Variants in MLN observed in about 807,000 individuals in gnomAD.
MLN encodes the protein promotilin.
A neutral mutation model predicts 13.3 loss-of-function variants in MLN; 14 were observed. The observed-to-expected ratio is 1.05, with a 90% CI of 0.69 to 1.64. MLN has a LOEUF of 1.64. Among genes scored for constraint, MLN ranks in the 40% most tolerant of loss-of-function variants. MLN has a pLI of 0.00. For missense variants in MLN, 122 were observed against 142.9 expected, an observed-to-expected ratio of 0.85 and a Z score of 0.75; for synonymous variants, 59 against 54.7, an observed-to-expected ratio of 1.08 and a Z score of -0.34.
Position 33,799,229 on chromosome 6 carries a change from C to T in MLN, c.118-8G>A, listed in dbSNP as rs1335678594. 2 of 1,603,336 alleles carry T rather than the reference C, an allele frequency of 1.2e-6. No individual in the cohort carries two copies. The highest frequency in any genetic ancestry group is 1.7e-6 in the Non-Finnish European group (2 of 1,171,404). Reference sequence around the variant, plus strand: ...TTTATTCCGTTCCTTTTCCTAGGGGCAGAACAGAAAATTGCACAAAACCGC... The same window carrying T: ...TTTATTCCGTTCCTTTTCCTAGGGGTAGAACAGAAAATTGCACAAAACCGC... On this transcript the variant is annotated splice_polypyrimidine_tract_variant and splice_region_variant and intron_variant, in intron 2 of 4. Transcript: ENST00000430124. The surrounding 1 kb of genome is among the most constrained non-coding windows in gnomAD (Gnocchi z 4.6).
At chr6:33,801,232 C>A in intron 1 of MLN, 62 bp from the exon 2 acceptor site, 1 of 1,257,804 alleles carries the variant, frequency 8.0e-7, no homozygotes, top group South Asian at 1.2e-5. Context: ...CTGCTGTGTC[C>A]GAGGCAGGGG....
rs1024626640 is a variant in MLN at position 33,803,492 on chromosome 6, G to A, written c.-8+461C>T. Among the ~76,000 whole-genome samples the A allele has an allele frequency of 6.6e-6, 1 of 151,976 alleles. No homozygotes were observed. The highest frequency in any genetic ancestry group is 2.4e-5 in the African/African-American group (1 of 41,374). On this transcript the variant is annotated intron_variant, in intron 1 of 4. Coordinates refer to ENST00000430124, the MANE Select transcript of MLN (RefSeq NM_002418.3). This position sits in a 1 kb window ranked among gnomAD's most constrained non-coding sequence, Gnocchi z 4.5. ...ATGGCTAATTTTTGTATTTTTAGTA[G>A]AGACAGGGTGTCACCATATTGGCCT...
intron 1 of MLN, 133 bp from the exon 2 acceptor site, chr6:33,801,303 G>A (rs933622623): frequency 2.1e-5 from 14 of 672,604 alleles, no homozygotes; most frequent in Non-Finnish European, 3.4e-5. Flanking sequence ...AGCTCAGCCT[G>A]TCTGGATTTG....
chr6:33,798,981 G>A lies in MLN; in HGVS notation c.234+124C>T, dbSNP rs1767986074. On this transcript the variant is annotated intron_variant, in intron 3 of 4. Transcript: ENST00000430124. ...ATGGAGCTCATTGCCTGGATGTCTT[G>A]CTCACTGCGATATCCTAGGACACTC... 9.9e-6 allele frequency: 6 copies of A among 605,092 alleles called. No individual in the cohort carries two copies. In the South Asian group the frequency reaches 1.3e-4, roughly 13 times the overall value. 37.5% of individuals were successfully genotyped at this position (605,092 alleles called of 1,614,324 possible).
chr6:33,795,954 CTAAGCTTT>C (rs1457822665), intron 3 of MLN, among the ~76,000 whole-genome samples: 2 of 144,792 alleles, frequency 1.4e-5, no homozygotes, highest in African/African-American at 5.1e-5. Context: ...TACCCTTATT[CTAAGCTTT>C]TTTTTTTTTT....
rs1465590461 is a variant in MLN at position 33,797,759 on chromosome 6, C to T, written c.234+1346G>A. On this transcript the variant is annotated intron_variant, in intron 3 of 4. Transcript: ENST00000430124. ...ACTATAGCAGCCTCCTCAGTGGCCTCCCTAAATCTGCCTTTGTCCGGTCCC... is the reference window on the plus strand; with the variant it reads ...ACTATAGCAGCCTCCTCAGTGGCCTTCCTAAATCTGCCTTTGTCCGGTCCC... Among the ~76,000 whole-genome samples the T allele has an allele frequency of 1.3e-5, 2 of 152,164 alleles. 1 individual carries two copies. Among genetic ancestry groups the T allele is most frequent in the Admixed American group, 1.3e-4 (2 of 15,284 alleles).
chr6:33,801,504 G>A (rs1768046030), intron 1 of MLN, among the ~76,000 whole-genome samples: 1 of 152,202 alleles, frequency 6.6e-6, no homozygotes, highest in South Asian at 2.1e-4. Context: ...CATAAGGCAG[G>A]AGGGACCTCA....
At chr6:33,795,418 C>T (rs1767890018) in intron 4 of MLN, 85 bp downstream of exon 4, 1 of 1,113,834 alleles carries the variant, frequency 9.0e-7, no homozygotes. Context: ...AAACAAATTG[C>T]CACCCTGAAA....
chr6:33,803,026 A>G lies in MLN; in HGVS notation c.-8+927T>C, dbSNP rs2127389361. Among the ~76,000 whole-genome samples the G allele has an allele frequency of 6.6e-6, 1 of 152,214 alleles. No homozygotes were observed. The highest frequency in any genetic ancestry group is 6.5e-5 in the Admixed American group (1 of 15,300). On this transcript the variant is annotated intron_variant, in intron 1 of 4. Coordinates refer to ENST00000430124, the MANE Select transcript of MLN (RefSeq NM_002418.3). This position sits in a 1 kb window ranked among gnomAD's most constrained non-coding sequence, Gnocchi z 4.5. ...TAAATTAAAAAAAAGGCAAAATCCA[A>G]TTGCTTCTCATTTTCTTGATCCAAC...
chr6:33,800,586 C>G (rs570728950), intron 2 of MLN, among the ~76,000 whole-genome samples: 13 of 152,364 alleles, frequency 8.5e-5, no homozygotes, highest in African/African-American at 2.4e-4. Context: ...ATTCTCCTTC[C>G]TTGAACCTGA....
intron 3 of MLN, among the ~76,000 whole-genome samples, chr6:33,797,196 C>T (rs1767946383): frequency 6.6e-6 from 1 of 152,214 alleles, no homozygotes; most frequent in Admixed American, 6.5e-5. Flanking sequence ...GTGACAAGGC[C>T]CCTGCTCTCT....
At position 33,799,038 on chromosome 6, in the gene MLN, C is replaced by G; in HGVS notation, c.234+67G>C. 8.6e-7 allele frequency: 1 copy of G among 1,166,830 alleles called. No homozygotes were observed. Among genetic ancestry groups the G allele is most frequent in the Non-Finnish European group, 1.3e-6 (1 of 792,998 alleles). The allele number at this position is 1,166,830 out of a possible 1,614,324, so 72.3% of individuals were successfully genotyped here. ...TCACTGTGGCTTGTGGGCTCTGCCT[C>G]CAGGCCAGGCAGGGGAATGCATGCC... On this transcript the variant is annotated intron_variant, in intron 3 of 4. Transcript: ENST00000430124. This position sits in a 1 kb window ranked among gnomAD's most constrained non-coding sequence, Gnocchi z 4.6.
chr6:33,795,731 T>G, intron 3 of MLN, 126 bp from the exon 4 acceptor site: 1 of 719,380 alleles, frequency 1.4e-6, no homozygotes. Flanking sequence ...CTAGAGCCTC[T>G]AGGGATGGCT....
intron 3 of MLN, among the ~76,000 whole-genome samples, chr6:33,797,676 T>G (rs956919754): frequency 1.3e-5 from 2 of 152,184 alleles, no homozygotes; most frequent in Non-Finnish European, 2.9e-5. Flanking sequence ...TTGCCCTGCC[T>G]CCTCCAAGAC....
rs1760909968 is a variant in MLN, at chr6:33,803,948, C to T, written c.-8+5G>A. ...CCCCACCCACTTTCTCCAAGGGCTA[C>T]TTACGGCGTGCACGTGGTCTGAGTG... On this transcript the variant is annotated splice_donor_5th_base_variant and intron_variant, in intron 1 of 4. Transcript: ENST00000430124. The surrounding 1 kb of genome is among the most constrained non-coding windows in gnomAD (Gnocchi z 4.5). The T allele has an allele frequency of 1.3e-5, 2 of 152,428 alleles. No individual in the cohort carries two copies. Among genetic ancestry groups the T allele is most frequent in the Admixed American group, 1.3e-4 (2 of 15,290 alleles). 9.4% of individuals were successfully genotyped at this position (152,428 alleles called of 1,614,324 possible).
rs186167766 is a variant in MLN, at chr6:33,803,389, C to T, written c.-8+564G>A. ...GTGGCGCGATCTCGGCTCACTGCAA[C>T]CTCTGCCTCCCAGGTTCAAGCGATT... On this transcript the variant is annotated intron_variant, in intron 1 of 4. Coordinates refer to ENST00000430124, the MANE Select transcript of MLN (RefSeq NM_002418.3). This position sits in a 1 kb window ranked among gnomAD's most constrained non-coding sequence, Gnocchi z 4.5. Among the ~76,000 whole-genome samples, 9 of 151,010 alleles carry T rather than the reference C, an allele frequency of 6.0e-5. No homozygotes were observed. The East Asian group carries it at 1.8e-3, about 30-fold the overall frequency.
Position 33,799,178 on chromosome 6 carries a change from C to T in MLN, c.161G>A (p.Trp54Ter). Reference protein sequence around the residue: ...NKGQKKSLSVWQRSGEEGPVD... With the variant: ...NKGQKKSLSV ...AGGACCTTCCTCCCCAGACCTCTGC[C>T]ATACACTCAGGGATTTCTTTTGCCC... Residue 54 changes from tryptophan (W) to a stop codon, truncating the protein, a stop_gained, in exon 3 of 5, where the codon TGG (tryptophan) becomes TAG (stop). Transcript: ENST00000430124. LOFTEE classifies it high-confidence loss of function. This position sits in a 1 kb window ranked among gnomAD's most constrained non-coding sequence, Gnocchi z 4.6. 6.2e-7 allele frequency: 1 copy of T among 1,613,140 alleles called. No individual in the cohort carries two copies. Among genetic ancestry groups the T allele is most frequent in the Admixed American group, 1.7e-5 (1 of 59,978 alleles).
Position 33,799,917 on chromosome 6 carries a change from T to A in MLN, c.118-696A>T, listed in dbSNP as rs1001120703. ...ATTCCTTTGCTTTCTCTAATGACAC[T>A]CTTGGGACTCTGCTGTTGGCCTGCC... On this transcript the variant is annotated intron_variant, in intron 2 of 4. Coordinates refer to ENST00000430124, the MANE Select transcript of MLN (RefSeq NM_002418.3). The surrounding 1 kb of genome is among the most constrained non-coding windows in gnomAD (Gnocchi z 4.6). Among the ~76,000 whole-genome samples the A allele has an allele frequency of 5.3e-5, 8 of 152,322 alleles. No homozygotes were observed. In the East Asian group the frequency reaches 1.5e-3, roughly 29 times the overall value.
At position 33,794,849 on chromosome 6, in the gene MLN, G is replaced by T. The variant is rs1318996408; in HGVS notation, c.338-14C>A. On this transcript the variant is annotated splice_polypyrimidine_tract_variant and intron_variant, in intron 4 of 4. Transcript: ENST00000430124. ...ATCACTTGGCTGCTGGAGAAAAGCA[G>T]AGGTTTGCGCTCAGTACCATCATCA... 6.2e-7 allele frequency: 1 copy of T among 1,613,628 alleles called. No individual in the cohort carries two copies. Among genetic ancestry groups the T allele is most frequent in the East Asian group, 2.2e-5 (1 of 44,844 alleles).
Sources: allele counts gnomAD v4.1 joint callset (sites outside exome capture counted in the v4.1 genomes callset), GRCh38; gene constraint gnomAD v4.1.1; non-coding constraint Gnocchi (gnomAD v3.1); transcripts MANE v1.5; gene names NCBI Gene and HGNC (gene_info 2026-07-23, HGNC 2026-07-21).